STEAP1B: variants seen among roughly 807,000 people sequenced by gnomAD.
The protein encoded by STEAP1B is STEAP family member 1B.
In STEAP1B, 13 loss-of-function variants were observed where a neutral mutation model predicts 27.9. The observed-to-expected ratio is 0.47, with a 90% CI of 0.30 to 0.74. The LOEUF is 0.74. STEAP1B is among the 30% of genes least tolerant of loss of function. STEAP1B has a pLI of 0.06. For missense variants in STEAP1B, 250 were observed against 298.7 expected, an observed-to-expected ratio of 0.84 and a Z score of 1.20; for synonymous variants, 86 against 107.1, an observed-to-expected ratio of 0.80 and a Z score of 1.22.
intron 4 of STEAP1B, among the ~76,000 whole-genome samples, chr7:22,449,595 A>G (rs1357114042): frequency 6.6e-6 from 1 of 152,224 alleles, no homozygotes; most frequent in African/African-American, 2.4e-5. Flanking sequence ...ACAGTGCTTC[A>G]AAAAACATGA....
rs1056096411 is a variant in STEAP1B, at chr7:22,438,887, A to G, written c.763-19051T>C. 3.3e-6 allele frequency: 4 copies of G among 1,201,000 alleles called. No individual in the cohort carries two copies. In the African/African-American group the frequency reaches 6.2e-5, roughly 19 times the overall value. 74.4% of individuals were successfully genotyped at this position (1,201,000 alleles called of 1,614,324 possible). ...TATAAAATGGGATAAAATCTCAACT[A>G]TTTTATTATTTGGTGACATTTTTAT... On this transcript the variant is annotated intron_variant, in intron 4 of 4. Transcript: ENST00000678116.
At chr7:22,422,629 G>T (rs1785058486) in intron 4 of STEAP1B, among the ~76,000 whole-genome samples, 2 of 152,132 alleles carry the variant, frequency 1.3e-5, no homozygotes, top group African/African-American at 2.4e-5. Flanking sequence ...GAGTAGCCGG[G>T]ATTACAGGCA....
At chr7:22,489,588 AG>A (rs1232183298) in intron 4 of STEAP1B, among the ~76,000 whole-genome samples, 1 of 152,198 alleles carries the variant, frequency 6.6e-6, no homozygotes, top group Non-Finnish European at 1.5e-5. Flanking sequence ...TTGGACACAG[AG>A]ACGGACAGGC....
chr7:22,473,429 A>T (rs1785919653), intron 4 of STEAP1B, among the ~76,000 whole-genome samples: 1 of 152,210 alleles, frequency 6.6e-6, no homozygotes, highest in South Asian at 2.1e-4. Flanking sequence ...GAGAAAGCAC[A>T]CAAGATTTTG....
chr7:22,435,723 C>A lies in STEAP1B; in HGVS notation c.763-15887G>T, dbSNP rs766332486. 5.8e-4 allele frequency among the ~76,000 whole-genome samples: 89 copies of A among 152,282 alleles called. 1 individual carries two copies. Among genetic ancestry groups the A allele is most frequent in the African/African-American group, 1.6e-3 (67 of 41,560 alleles). The stretch of plus-strand genomic sequence containing the variant: ...GCCACATCTAAAGCTCACCTGTGCA[C>A]GATACGCACCGTGGGCAGAGAGGTA... On this transcript the variant is annotated intron_variant, in intron 4 of 4. Coordinates refer to ENST00000678116, the MANE Select transcript of STEAP1B (RefSeq NM_001382447.1).
chr7:22,419,934 C>A (rs1050992266), intron 4 of STEAP1B, 98 bp from the exon 5 acceptor site: 9 of 1,369,928 alleles, frequency 6.6e-6, no homozygotes, highest in Non-Finnish European at 8.9e-6. Context: ...TGAGAAATTG[C>A]AAGTATACAC....
chr7:22,435,445 CTT>C (rs1263853299), intron 4 of STEAP1B, among the ~76,000 whole-genome samples: 4 of 152,070 alleles, frequency 2.6e-5, no homozygotes, highest in African/African-American at 9.7e-5. Context: ...TTTTTAAACA[CTT>C]GAGATTTTAG....
chr7:22,486,463 C>T (rs1045988768), intron 4 of STEAP1B, among the ~76,000 whole-genome samples: 21 of 152,104 alleles, frequency 1.4e-4, no homozygotes, highest in African/African-American at 4.8e-4. Flanking sequence ...TCTGAACCAG[C>T]CTGGCTTTGT....
At chr7:22,426,434 G>C (rs1785108130) in intron 4 of STEAP1B, among the ~76,000 whole-genome samples, 1 of 152,184 alleles carries the variant, frequency 6.6e-6, no homozygotes, top group South Asian at 2.1e-4. Flanking sequence ...TCACTCAGCA[G>C]GAAGACAAAA....
At chr7:22,434,490 T>G (rs1433264505) in intron 4 of STEAP1B, among the ~76,000 whole-genome samples, 1 of 151,662 alleles carries the variant, frequency 6.6e-6, no homozygotes, top group African/African-American at 2.4e-5. Context: ...TTCTTTCATA[T>G]TCTCAAAAAA....
At chr7:22,449,150 C>T (rs79534928) in intron 4 of STEAP1B, among the ~76,000 whole-genome samples, 1 of 152,178 alleles carries the variant, frequency 6.6e-6, no homozygotes, top group Admixed American at 6.6e-5. Context: ...AATCCGATTA[C>T]ACTCTTTCAG....
intron 4 of STEAP1B, among the ~76,000 whole-genome samples, chr7:22,422,627 G>A (rs182961480): frequency 6.6e-4 from 100 of 152,086 alleles, no homozygotes; most frequent in African/African-American, 2.2e-3. Flanking sequence ...CCGAGTAGCC[G>A]GGATTACAGG....
At chr7:22,427,050 G>C in intron 4 of STEAP1B, among the ~76,000 whole-genome samples, 1 of 152,246 alleles carries the variant, frequency 6.6e-6, no homozygotes, top group East Asian at 1.9e-4. Flanking sequence ...GAGGAATAGA[G>C]AGGTAGCTGG....
chr7:22,464,056 A>G (rs555798483), intron 4 of STEAP1B, among the ~76,000 whole-genome samples: 32 of 152,278 alleles, frequency 2.1e-4, no homozygotes, highest in African/African-American at 7.5e-4. Flanking sequence ...CAACCTACTC[A>G]TCTGACAAAG....
chr7:22,456,956 A>ATC (rs1785590493), intron 4 of STEAP1B, among the ~76,000 whole-genome samples: 1 of 19,010 alleles, frequency 5.3e-5, no homozygotes, highest in Non-Finnish European at 2.5e-4. Context: ...AGGCAGCTAT[A>ATC]TATATATATA....
At chr7:22,440,086 A>G (rs1413601948) in intron 4 of STEAP1B, among the ~76,000 whole-genome samples, 2 of 152,204 alleles carry the variant, frequency 1.3e-5, no homozygotes, top group Non-Finnish European at 2.9e-5. Context: ...AAATTATTCA[A>G]TAAATGGAGT....
intron 4 of STEAP1B, among the ~76,000 whole-genome samples, chr7:22,445,691 C>A (rs1785399161): frequency 6.6e-6 from 1 of 152,264 alleles, no homozygotes; most frequent in South Asian, 2.1e-4. Context: ...TTCCCAGATG[C>A]AAGAGCAGCA....
intron 1 of STEAP1B, among the ~76,000 whole-genome samples, chr7:22,496,540 T>C (rs139045161): frequency 0.014 from 2,058 of 152,296 alleles, 42 homozygotes; most frequent in African/African-American, 0.046. Context: ...TGTACAAATA[T>C]ACAATTTTTT....
chr7:22,429,596 G>A (rs761638920), intron 4 of STEAP1B, among the ~76,000 whole-genome samples: 21 of 152,132 alleles, frequency 1.4e-4, no homozygotes, highest in Non-Finnish European at 2.6e-4. Flanking sequence ...TGGATATGCC[G>A]TACAAAGGAT....
Sources: allele counts gnomAD v4.1 joint callset (sites outside exome capture counted in the v4.1 genomes callset), GRCh38; gene constraint gnomAD v4.1.1; transcripts MANE v1.5; gene names NCBI Gene and HGNC (gene_info 2026-07-23, HGNC 2026-07-21).